SPATA13: variants seen among roughly 807,000 people sequenced by gnomAD.
The protein encoded by SPATA13 is spermatogenesis associated 13, also known as spermatogenesis-associated protein 13.
In SPATA13, 50 loss-of-function variants were observed where a neutral mutation model predicts 104.0. The ratio of observed to expected loss-of-function variants is 0.48; its 90% CI spans 0.38 to 0.61. SPATA13 has a LOEUF of 0.61. SPATA13 is among the 20% of genes least tolerant of loss of function. The pLI is 0.00. For missense variants in SPATA13, 1,524 were observed against 1,690.6 expected (o/e 0.90, Z 1.73); for synonymous variants, 606 against 667.5 (o/e 0.91, Z 1.42).
chr13:23,989,405 G>C (rs1231191027), intron 2 of SPATA13, among the ~76,000 whole-genome samples: 2 of 151,460 alleles, frequency 1.3e-5, no homozygotes, highest in African/African-American at 4.9e-5. Context: ...CTGGGTGACA[G>C]AGTGAGATTT....
intron 3 of SPATA13, among the ~76,000 whole-genome samples, chr13:24,120,996 G>T (rs372339529): frequency 4.6e-5 from 7 of 151,846 alleles, no homozygotes; most frequent in African/African-American, 1.7e-4. Flanking sequence ...TAACGAGGAA[G>T]TAGGAGTGCT....
intron 3 of SPATA13, among the ~76,000 whole-genome samples, chr13:24,148,347 C>G (rs1566121631): frequency 4.1e-5 from 6 of 145,910 alleles, no homozygotes; most frequent in Admixed American, 2.9e-4. Flanking sequence ...TCACAGAACA[C>G]AAGGCTTTTT....
upstream of SPATA13, among the ~76,000 whole-genome samples, chr13:24,158,204 G>A (rs1456031155): frequency 6.6e-6 from 1 of 152,212 alleles, no homozygotes; most frequent in Non-Finnish European, 1.5e-5. Context: ...AGTACCAAAA[G>A]ATCAGCAGAG....
intron 2 of SPATA13, among the ~76,000 whole-genome samples, chr13:24,013,900 G>A (rs1358043285): frequency 1.3e-5 from 2 of 152,104 alleles, no homozygotes; most frequent in Non-Finnish European, 2.9e-5. Context: ...TTGGGAGCAG[G>A]TAATGGACTG....
At chr13:24,091,798 C>T (rs1412788985) in intron 3 of SPATA13, among the ~76,000 whole-genome samples, 1 of 151,866 alleles carries the variant, frequency 6.6e-6, no homozygotes, top group Non-Finnish European at 1.5e-5. Context: ...GACTCCATCT[C>T]AAAAAAAGAA....
chr13:24,108,663 G>T (rs200422744), intron 3 of SPATA13, among the ~76,000 whole-genome samples: 22 of 151,650 alleles, frequency 1.5e-4, no homozygotes, highest in East Asian at 1.2e-3. Context: ...TCATGGTAGG[G>T]GGGGGGAAGC....
intron 3 of SPATA13, among the ~76,000 whole-genome samples, chr13:24,039,291 C>G (rs147408658): frequency 1.4e-3 from 215 of 152,312 alleles, no homozygotes; most frequent in African/African-American, 4.5e-3. Flanking sequence ...AGCTACTACT[C>G]AATTTACCAA....
chr13:24,254,098 G>A (rs1053727022), intron 4 of SPATA13, among the ~76,000 whole-genome samples: 1 of 152,154 alleles, frequency 6.6e-6, no homozygotes, highest in African/African-American at 2.4e-5. Context: ...AAATATGGTA[G>A]CAGTGACCAC....
chr13:24,130,631 C>A (rs902240683), intron 3 of SPATA13, among the ~76,000 whole-genome samples: 2 of 152,172 alleles, frequency 1.3e-5, no homozygotes, highest in Non-Finnish European at 2.9e-5. Flanking sequence ...ACTCCATGTC[C>A]ATGTTCCCTA....
chr13:24,256,402 T>C (rs1246354185), intron 4 of SPATA13, among the ~76,000 whole-genome samples: 1 of 152,194 alleles, frequency 6.6e-6, no homozygotes, highest in Non-Finnish European at 1.5e-5. Flanking sequence ...CCTGATTTGC[T>C]CATTCCACAT....
chr13:24,101,797 G>A (rs892013271), intron 3 of SPATA13, among the ~76,000 whole-genome samples: 9 of 152,146 alleles, frequency 5.9e-5, no homozygotes, highest in African/African-American at 2.2e-4. Context: ...CTGTGCTGTG[G>A]TATATGACAA....
intron 4 of SPATA13, among the ~76,000 whole-genome samples, chr13:24,283,643 A>G (rs189651256): frequency 7.9e-5 from 12 of 152,334 alleles, no homozygotes; most frequent in African/African-American, 2.4e-4. Context: ...AAGCCTTTCA[A>G]ATATGTACAG....
In SPATA13 at chr13:24,067,201, C is replaced by T. The variant is rs114867925; in HGVS notation, c.-112+49500C>T. Reference sequence around the variant, plus strand: ...ATCTTTACACTTCAGTCTCAGTCTTCACACTTTCCCCATCCCTGATTGGAA... The same window carrying T: ...ATCTTTACACTTCAGTCTCAGTCTTTACACTTTCCCCATCCCTGATTGGAA... On this transcript the variant is annotated intron_variant, in intron 3 of 14. Transcript: ENST00000424834. 1.3e-3 allele frequency among the ~76,000 whole-genome samples: 200 copies of T among 152,310 alleles called. 2 individuals are homozygous for T. Among genetic ancestry groups the T allele is most frequent in the African/African-American group, 4.7e-3 (195 of 41,556 alleles).
chr13:24,251,731 C>T lies in SPATA13; in HGVS notation c.2033C>T (p.Pro678Leu), dbSNP rs764040950. ...DNLLTQPASR[P>L]PMPAHQVPPY... ...TTCTTTTTGCAGCCGGCTTCCAGGCCGCCCATGCCTGCTCACCAGGTGCCA... is the reference window on the plus strand; with the variant it reads ...TTCTTTTTGCAGCCGGCTTCCAGGCTGCCCATGCCTGCTCACCAGGTGCCA... The change falls in exon 4 of 13, where the codon CCG becomes CTG. Residue 678 changes from proline (P) to leucine (L), a missense_variant. By Grantham distance (98) the Pro-to-Leu change is moderately conservative. This residue lies in a region of SPATA13 where 1,089 missense variants were observed against 1,135.9 expected (regional missense o/e 0.96). Transcript: ENST00000382108. 8.7e-6 allele frequency: 14 copies of T among 1,613,270 alleles called. No homozygotes were observed. The highest frequency in any genetic ancestry group is 2.2e-5 in the East Asian group (1 of 44,878).
At chr13:24,144,208 GC>G (rs1460033080) in intron 3 of SPATA13, among the ~76,000 whole-genome samples, 1 of 152,132 alleles carries the variant, frequency 6.6e-6, no homozygotes, top group Non-Finnish European at 1.5e-5. Flanking sequence ...CTGTAGGTGG[GC>G]GAGTCAGGAC....
At chr13:24,029,024 T>C (rs1458129243) in intron 3 of SPATA13, among the ~76,000 whole-genome samples, 1 of 152,200 alleles carries the variant, frequency 6.6e-6, no homozygotes, top group Admixed American at 6.5e-5. Flanking sequence ...TTTCCTCGTA[T>C]GTGGTTTTTT....
intron 4 of SPATA13, 110 bp downstream of exon 4, chr13:24,251,972 C>A: frequency 7.2e-7 from 1 of 1,386,844 alleles, no homozygotes; most frequent in East Asian, 2.4e-5. Context: ...TGGGCCAGGG[C>A]GCGTTTGTCT....
At chr13:24,282,329 C>G (rs1875604355) in intron 4 of SPATA13, among the ~76,000 whole-genome samples, 1 of 152,250 alleles carries the variant, frequency 6.6e-6, no homozygotes, top group African/African-American at 2.4e-5. Context: ...CCATCCTTTT[C>G]TAGTCAAGTA....
At chr13:24,268,531 G>A (rs1309001121) in intron 4 of SPATA13, among the ~76,000 whole-genome samples, 2 of 152,204 alleles carry the variant, frequency 1.3e-5, no homozygotes, top group African/African-American at 4.8e-5. Context: ...GGCCGAGGTG[G>A]GCAGACCACC....
Sources: gnomAD v4.1 joint callset for allele counts (sites outside exome capture counted in the v4.1 genomes callset) on GRCh38, gnomAD v4.1.1 for gene constraint, gnomAD v4.1.1 regional missense constraint, MANE v1.5 for transcripts, NCBI Gene and HGNC (gene_info 2026-07-23, HGNC 2026-07-21) for gene names.